Variants in GRIP1 observed in about 807,000 individuals in gnomAD.
The protein encoded by GRIP1 is glutamate receptor interacting protein 1.
A neutral mutation model predicts 129.9 loss-of-function variants in GRIP1; 45 were observed. The ratio of observed to expected loss-of-function variants is 0.35; its 90% CI spans 0.27 to 0.44. The LOEUF is 0.44. Ranked by LOEUF, GRIP1 falls within the 20% of genes least tolerant of loss-of-function variation. GRIP1 has a pLI of 1.00. For missense variants in GRIP1, 1,196 were observed against 1,396.8 expected, an observed-to-expected ratio of 0.86 and a Z score of 2.29; for synonymous variants, 530 against 520.8, an observed-to-expected ratio of 1.02 and a Z score of -0.24.
At chr12:66,546,097 A>G (rs1051121469) in intron 2 of GRIP1, among the ~76,000 whole-genome samples, 3 of 152,206 alleles carry the variant, frequency 2.0e-5, no homozygotes, top group Non-Finnish European at 2.9e-5. Flanking sequence ...AGATTATTCT[A>G]AAATTTATAT....
At chr12:66,609,491 T>C (rs1287793758) in intron 1 of GRIP1, among the ~76,000 whole-genome samples, 1 of 152,136 alleles carries the variant, frequency 6.6e-6, no homozygotes, top group Non-Finnish European at 1.5e-5. Flanking sequence ...AAAATAAAAA[T>C]TAAAACCCCC....
chr12:66,812,176 C>G (rs1273375189), intron 1 of GRIP1, among the ~76,000 whole-genome samples: 1 of 152,176 alleles, frequency 6.6e-6, no homozygotes, highest in East Asian at 1.9e-4. Context: ...CTCTGTCACT[C>G]AGGCTGGAAT....
intron 1 of GRIP1, among the ~76,000 whole-genome samples, chr12:66,962,257 T>C (rs1016776782): frequency 1.3e-5 from 2 of 152,156 alleles, no homozygotes; most frequent in African/African-American, 4.8e-5. Context: ...GTTTTTGAAA[T>C]GGATGGAAAC....
chr12:66,814,117 A>C (rs928308196), intron 1 of GRIP1, among the ~76,000 whole-genome samples: 1 of 151,714 alleles, frequency 6.6e-6, no homozygotes, highest in Non-Finnish European at 1.5e-5. Context: ...AATTTTATAT[A>C]TAGTTACATA....
chr12:66,861,916 T>C (rs774888936), intron 1 of GRIP1, among the ~76,000 whole-genome samples: 23 of 152,102 alleles, frequency 1.5e-4, no homozygotes, highest in Non-Finnish European at 2.6e-4. Context: ...TGTTCTACCA[T>C]AGTAATGCTG....
At chr12:66,637,073 T>C (rs554937886) in intron 1 of GRIP1, among the ~76,000 whole-genome samples, 21 of 152,246 alleles carry the variant, frequency 1.4e-4, no homozygotes, top group African/African-American at 3.9e-4. Context: ...CCAGGCCGCT[T>C]CATGGTGTGC....
At chr12:66,953,299 A>T (rs1001568072) in intron 1 of GRIP1, among the ~76,000 whole-genome samples, 1 of 152,164 alleles carries the variant, frequency 6.6e-6, no homozygotes, top group African/African-American at 2.4e-5. Flanking sequence ...GCAGAGGTAA[A>T]CAGCTGGAGA....
chr12:66,812,060 G>A (rs1326886791), intron 1 of GRIP1, among the ~76,000 whole-genome samples: 4 of 152,166 alleles, frequency 2.6e-5, no homozygotes, highest in African/African-American at 9.7e-5. Context: ...GCACTTGTGA[G>A]TTTTAGATTT....
intron 1 of GRIP1, among the ~76,000 whole-genome samples, chr12:66,786,679 G>A (rs1337010442): frequency 2.0e-5 from 3 of 152,118 alleles, no homozygotes; most frequent in African/African-American, 7.2e-5. Context: ...AATGATGAGA[G>A]CCTTGGTCTA....
chr12:66,826,392 G>A (rs977346447), intron 1 of GRIP1, among the ~76,000 whole-genome samples: 2 of 152,042 alleles, frequency 1.3e-5, no homozygotes, highest in African/African-American at 4.8e-5. Context: ...CATGGCACGT[G>A]TATATCTATG....
chr12:66,484,148 T>C (rs11176220), intron 7 of GRIP1, among the ~76,000 whole-genome samples: 6,607 of 152,236 alleles, frequency 0.043, 357 homozygotes, highest in African/African-American at 0.12. Flanking sequence ...CGTGAGCCAC[T>C]GCGCCCGGCC....
intron 7 of GRIP1, among the ~76,000 whole-genome samples, chr12:66,500,607 A>C (rs1191703086): frequency 1.3e-5 from 2 of 152,174 alleles, no homozygotes; most frequent in African/African-American, 2.4e-5. Context: ...TTTCACAGTG[A>C]GTCTCTTGCA....
At chr12:67,019,787 A>G (rs916957045) in intron 1 of GRIP1, among the ~76,000 whole-genome samples, 4 of 151,522 alleles carry the variant, frequency 2.6e-5, no homozygotes, top group African/African-American at 9.8e-5. Context: ...AATAAACAGT[A>G]GATTTATAAT....
At chr12:66,938,597 T>C (rs2041526331) in intron 1 of GRIP1, among the ~76,000 whole-genome samples, 1 of 151,974 alleles carries the variant, frequency 6.6e-6, no homozygotes. Context: ...CCCAAGAACC[T>C]AGAGAACTAA....
chr12:66,347,860 C>A lies in GRIP1; in HGVS notation c.*1159G>T, dbSNP rs1412182722. ...AAAATGAAAATGTTTGGAAAATAAT[C>A]ATTTCAATATGGAGAGTCTACCATC... On this transcript the variant is annotated 3_prime_UTR_variant, in exon 25 of 25. Transcript: ENST00000359742. 1 of 152,074 alleles carries A rather than the reference C, an allele frequency of 6.6e-6. No individual in the cohort carries two copies. Among genetic ancestry groups the A allele is most frequent in the Admixed American group, 6.6e-5 (1 of 15,260 alleles). The allele number at this position is 152,074 out of a possible 1,614,324, so 9.4% of individuals were successfully genotyped here.
chr12:67,032,355 T>C (rs2043036039), intron 1 of GRIP1, among the ~76,000 whole-genome samples: 1 of 152,148 alleles, frequency 6.6e-6, no homozygotes, highest in Admixed American at 6.5e-5. Flanking sequence ...CCTAGGAAAA[T>C]CTATTGCCTT....
chr12:66,697,894 A>G (rs1257384309), intron 1 of GRIP1, among the ~76,000 whole-genome samples: 1 of 151,024 alleles, frequency 6.6e-6, no homozygotes, highest in Non-Finnish European at 1.5e-5. Flanking sequence ...CCCCCTCAAC[A>G]AAGCGAAGTG....
intron 16 of GRIP1, among the ~76,000 whole-genome samples, chr12:66,404,897 T>C (rs1304809598): frequency 6.6e-6 from 1 of 151,998 alleles, no homozygotes; most frequent in Non-Finnish European, 1.5e-5. Flanking sequence ...CCAGGAAAGG[T>C]GACACACACC....
chr12:66,749,046 A>G (rs2037042695), intron 1 of GRIP1, among the ~76,000 whole-genome samples: 1 of 152,216 alleles, frequency 6.6e-6, no homozygotes, highest in Admixed American at 6.5e-5. Context: ...TTAATATGCA[A>G]ACTGTATCAG....
Sources: gnomAD v4.1 joint callset for allele counts (sites outside exome capture counted in the v4.1 genomes callset) on GRCh38, gnomAD v4.1.1 for gene constraint, MANE v1.5 for transcripts, NCBI Gene and HGNC (gene_info 2026-07-23, HGNC 2026-07-21) for gene names.